The following PTPRN2 variants were observed in gnomAD, a reference collection of about 807,000 sequenced individuals.
The protein encoded by PTPRN2 is receptor-type tyrosine-protein phosphatase N2.
PTPRN2 carries 74 observed loss-of-function variants against 118.8 expected under a neutral mutation model. The observed-to-expected ratio is 0.62, with a 90% CI of 0.52 to 0.76. PTPRN2 has a LOEUF of 0.76. PTPRN2 is among the 30% of genes least tolerant of loss of function. PTPRN2 has a pLI of 0.00. For synonymous variants in PTPRN2, 641 were observed against 608.0 expected (o/e 1.05, Z -0.80); for missense variants, 1,481 against 1,394.4 (o/e 1.06, Z -0.99).
At chr7:158,092,208 ATATATATATACACACATATATG>A (rs1288250124) in intron 10 of PTPRN2, among the ~76,000 whole-genome samples, 1 of 150,620 alleles carries the variant, frequency 6.6e-6, no homozygotes, top group East Asian at 1.9e-4. Context: ...ATGTGTGCAT[ATATATATATACACACATATATG>A]TATATATATG....
intron 12 of PTPRN2, among the ~76,000 whole-genome samples, chr7:157,728,244 C>G (rs1292184818): frequency 1.3e-5 from 2 of 152,254 alleles, no homozygotes; most frequent in African/African-American, 2.4e-5. Context: ...TGCAATCATG[C>G]CTTGTACAGC....
At chr7:157,880,013 T>C (rs983590855) in intron 12 of PTPRN2, among the ~76,000 whole-genome samples, 2 of 152,210 alleles carry the variant, frequency 1.3e-5, no homozygotes, top group African/African-American at 2.4e-5. Flanking sequence ...CATAATGTTT[T>C]CACATAAACT....
intron 11 of PTPRN2, among the ~76,000 whole-genome samples, chr7:158,069,086 C>T (rs949643406): frequency 3.9e-5 from 6 of 152,192 alleles, no homozygotes; most frequent in African/African-American, 1.2e-4. Flanking sequence ...GCGGCCTCAT[C>T]TTGACACTGA....
chr7:158,279,517 G>A (rs1799265588), intron 3 of PTPRN2, among the ~76,000 whole-genome samples: 1 of 152,226 alleles, frequency 6.6e-6, no homozygotes, highest in East Asian at 1.9e-4. Flanking sequence ...AAGCGAGAAA[G>A]AGACAGAGAC....
chr7:157,553,705 G>T (rs1333135505), intron 21 of PTPRN2, among the ~76,000 whole-genome samples: 2 of 152,156 alleles, frequency 1.3e-5, no homozygotes, highest in African/African-American at 2.4e-5. Flanking sequence ...CGGAGGAAAC[G>T]GAGTTAACGC....
At chr7:157,885,686 C>A (rs563899079) in intron 12 of PTPRN2, among the ~76,000 whole-genome samples, 1 of 152,342 alleles carries the variant, frequency 6.6e-6, no homozygotes, top group Non-Finnish European at 1.5e-5. Context: ...ATGGAGTATA[C>A]CAGGTGCGAA....
rs1185220009 is a variant in PTPRN2, at chr7:158,270,874, C to G, written c.277+45945G>C. 8.9e-4 allele frequency among the ~76,000 whole-genome samples: 68 copies of G among 76,300 alleles called. 2 individuals are homozygous for G. Among genetic ancestry groups the G allele is most frequent in the Non-Finnish European group, 1.5e-3 (60 of 40,604 alleles). 50.1% of individuals were successfully genotyped at this position (76,300 alleles called of 152,430 possible). A position where few individuals can be genotyped will look rare whatever the true frequency, so the allele number is the denominator to read the frequency against. ...ACCGCCCCCCCACCTGGACCGCCCCCTCCACCTGGATGACCCCCTCCACCT... is the reference window on the plus strand; with the variant it reads ...ACCGCCCCCCCACCTGGACCGCCCCGTCCACCTGGATGACCCCCTCCACCT... On this transcript the variant is annotated intron_variant, in intron 3 of 22. Coordinates refer to ENST00000389418, the MANE Select transcript of PTPRN2 (RefSeq NM_002847.5).
chr7:158,415,371 G>A (rs1814569333), intron 2 of PTPRN2, among the ~76,000 whole-genome samples: 2 of 152,122 alleles, frequency 1.3e-5, no homozygotes, highest in African/African-American at 4.8e-5. Context: ...GGTTTGGAAG[G>A]GTCACCCCAG....
intron 10 of PTPRN2, among the ~76,000 whole-genome samples, chr7:158,092,434 G>A (rs1056472861): frequency 4.0e-5 from 6 of 151,716 alleles, no homozygotes; most frequent in Non-Finnish European, 7.4e-5. Context: ...GGATGGGGAG[G>A]TAGACGGATG....
At chr7:158,071,263 TGGTGGTGGAGGTGCC>T (rs1811475692) in intron 11 of PTPRN2, among the ~76,000 whole-genome samples, 1 of 49,124 alleles carries the variant, frequency 2.0e-5, no homozygotes, top group African/African-American at 5.2e-5. Flanking sequence ...GAGGTGCCCG[TGGTGGTGGAGGTGCC>T]CGTGGTGGTG....
At chr7:158,116,846 AG>A (rs1180457977) in intron 9 of PTPRN2, among the ~76,000 whole-genome samples, 3 of 152,226 alleles carry the variant, frequency 2.0e-5, no homozygotes, top group Non-Finnish European at 2.9e-5. Flanking sequence ...ACACATGCTC[AG>A]GGAAAGGCTC....
intron 2 of PTPRN2, among the ~76,000 whole-genome samples, chr7:158,428,314 G>A (rs976017535): frequency 6.6e-6 from 1 of 152,144 alleles, no homozygotes; most frequent in African/African-American, 2.4e-5. Context: ...CAAGACAAGG[G>A]GCCTGCTCTT....
chr7:157,731,240 C>A (rs147727846), intron 12 of PTPRN2, among the ~76,000 whole-genome samples: 1 of 152,276 alleles, frequency 6.6e-6, no homozygotes, highest in East Asian at 1.9e-4. Context: ...CCCTGAGTTC[C>A]GAGGAAGGTA....
intron 2 of PTPRN2, among the ~76,000 whole-genome samples, chr7:158,326,722 G>A (rs567657706): frequency 1.4e-5 from 2 of 139,046 alleles, no homozygotes; most frequent in South Asian, 4.6e-4. Context: ...GCTCTCACAT[G>A]CATACATTCT....
intron 12 of PTPRN2, among the ~76,000 whole-genome samples, chr7:157,850,288 A>T (rs1461792984): frequency 6.7e-6 from 1 of 148,628 alleles, no homozygotes; most frequent in Admixed American, 6.7e-5. Flanking sequence ...GGGGTGCCTC[A>T]GGCTCGCGTA....
At chr7:158,245,757 G>A (rs1426797106) in intron 3 of PTPRN2, among the ~76,000 whole-genome samples, 9 of 152,186 alleles carry the variant, frequency 5.9e-5, no homozygotes, top group African/African-American at 2.2e-4. Flanking sequence ...GTGAACAGGT[G>A]AGTGGGGATG....
intron 14 of PTPRN2, among the ~76,000 whole-genome samples, chr7:157,653,360 C>T (rs1347514226): frequency 2.0e-5 from 3 of 152,130 alleles, no homozygotes; most frequent in African/African-American, 4.8e-5. Context: ...CTGGCGGAAA[C>T]GAGGCTTTGC....
At chr7:158,347,975 C>G (rs1366292715) in intron 2 of PTPRN2, among the ~76,000 whole-genome samples, 6 of 152,114 alleles carry the variant, frequency 3.9e-5, no homozygotes, top group Admixed American at 3.9e-4. Flanking sequence ...GGATGGCTGT[C>G]AATCCCTAAA....
rs2150662004 is a variant in PTPRN2, at chr7:157,628,160, C to T, written c.2197-6651G>A. Among the ~76,000 whole-genome samples, 5 of 152,318 alleles carry T rather than the reference C, an allele frequency of 3.3e-5. 1 individual carries two copies. In the South Asian group the frequency reaches 1.0e-3, roughly 32 times the overall value. ...TGTCAGGCAAACCAACTGGCTTCCA[C>T]ATTTAATGGAATCATTATACACAGA... On this transcript the variant is annotated intron_variant, in intron 14 of 22. Coordinates refer to ENST00000389418, the MANE Select transcript of PTPRN2 (RefSeq NM_002847.5).
Sources: allele counts gnomAD v4.1 joint callset (sites outside exome capture counted in the v4.1 genomes callset), GRCh38; gene constraint gnomAD v4.1.1; transcripts MANE v1.5; gene names NCBI Gene and HGNC (gene_info 2026-07-23, HGNC 2026-07-21).